PRKN: variants seen among roughly 807,000 people sequenced by gnomAD.
PRKN encodes parkin RBR E3 ubiquitin protein ligase.
Under a neutral mutation model 59.5 loss-of-function variants are expected in PRKN, and 56 were observed. The observed-to-expected ratio is 0.94, with a 90% CI of 0.76 to 1.18. The LOEUF (loss-of-function observed/expected upper bound fraction) is 1.18, where lower values mean the gene tolerates loss of function less well. PRKN is among the 50% of genes most tolerant of loss of function. The pLI, the probability that PRKN is intolerant of heterozygous loss-of-function variation, is 0.00. For missense variants in PRKN, 657 were observed against 596.4 expected (o/e 1.10, Z -1.06); for synonymous variants, 250 against 222.1 (o/e 1.13, Z -1.12).
At chr6:162,644,283 C>G (rs901508800) in intron 1 of PRKN, among the ~76,000 whole-genome samples, 6 of 152,172 alleles carry the variant, frequency 3.9e-5, no homozygotes, top group Non-Finnish European at 7.3e-5. Context: ...GAGTGCACCC[C>G]CCATGGAAGG....
intron 3 of PRKN, among the ~76,000 whole-genome samples, chr6:162,218,373 T>G (rs1322102857): frequency 6.6e-6 from 1 of 151,982 alleles, no homozygotes; most frequent in African/African-American, 2.4e-5. Context: ...TCACTAGGTG[T>G]GGGAAGCCCA....
rs772336975 is a variant in PRKN at position 162,555,981 on chromosome 6, C to CAAAAAAAAAAAAAAAA, written c.8-112524_8-112509dup. On this transcript the variant is annotated intron_variant, in intron 1 of 11. Coordinates refer to ENST00000366898, the MANE Select transcript of PRKN (RefSeq NM_004562.3). ...GGGCAACAAGAGCGAAACTCCATCT[C>CAAAAAAAAAAAAAAAA]AAAAAAAAAAAAAAAAAAGTGAGAA... 8.9e-5 allele frequency among the ~76,000 whole-genome samples: 8 copies of CAAAAAAAAAAAAAAAA among 90,360 alleles called. 1 individual carries two copies. The highest frequency in any genetic ancestry group is 1.4e-4 in the Admixed American group (1 of 7,038). The allele number at this position is 90,360 out of a possible 152,430, so 59.3% of individuals were successfully genotyped here.
chr6:162,083,733 T>C (rs1372605863), intron 4 of PRKN, among the ~76,000 whole-genome samples: 1 of 152,088 alleles, frequency 6.6e-6, no homozygotes, highest in African/African-American at 2.4e-5. Context: ...AGTTAATAAC[T>C]TGATGCCAGA....
intron 4 of PRKN, among the ~76,000 whole-genome samples, chr6:162,107,723 C>G (rs1194922849): frequency 6.6e-6 from 1 of 152,148 alleles, no homozygotes; most frequent in East Asian, 1.9e-4. Flanking sequence ...AACTAGGCAT[C>G]AGGCATAGTT....
At chr6:161,750,564 T>C (rs1418412379) in intron 7 of PRKN, among the ~76,000 whole-genome samples, 2 of 151,730 alleles carry the variant, frequency 1.3e-5, no homozygotes, top group Non-Finnish European at 2.9e-5. Context: ...GATCAGGAGG[T>C]TGAGACCGGC....
In PRKN at chr6:161,377,143, C is replaced by T. The variant is rs920404952; in HGVS notation, c.1167+9651G>A. ...GGGGCTACCTGCGGGCCAATAAGAG[C>T]ATCCCAGCAAAGATTTTGGGGGTTC... is the stretch of plus-strand genomic sequence containing the variant. On this transcript the variant is annotated intron_variant, in intron 10 of 11. Coordinates refer to ENST00000366898, the MANE Select transcript of PRKN (RefSeq NM_004562.3). This position sits in a 1 kb window ranked among gnomAD's most constrained non-coding sequence, Gnocchi z 4.2. 1.3e-5 allele frequency among the ~76,000 whole-genome samples: 2 copies of T among 152,256 alleles called. No individual in the cohort carries two copies. The highest frequency in any genetic ancestry group is 6.5e-5 in the Admixed American group (1 of 15,290).
intron 2 of PRKN, 114 bp downstream of exon 2, chr6:162,443,196 C>A (rs1174072598): frequency 2.8e-6 from 3 of 1,087,444 alleles, no homozygotes; most frequent in Non-Finnish European, 4.1e-6. Flanking sequence ...TCAAGGAATC[C>A]CCAGGCACTA....
chr6:161,573,755 A>AATATATATATATATATATATAT (rs1225362601), intron 7 of PRKN, among the ~76,000 whole-genome samples: 1 of 30,362 alleles, frequency 3.3e-5, no homozygotes, highest in Non-Finnish European at 5.4e-5. Context: ...AAAAAAAAAA[A>AATATATATATATATATATATAT]ATATATATAT....
At chr6:162,359,079 A>AAAAAAAAAAAAAATATATATATATATAT (rs57265104) in intron 2 of PRKN, among the ~76,000 whole-genome samples, 2 of 83,270 alleles carry the variant, frequency 2.4e-5, no homozygotes, top group African/African-American at 1.5e-4. Flanking sequence ...AAAAAAAAAA[A>AAAAAAAAAAAAAATATATATATATATAT]ATATATATAT....
At chr6:162,140,154 T>C (rs1033295860) in intron 4 of PRKN, among the ~76,000 whole-genome samples, 3 of 152,196 alleles carry the variant, frequency 2.0e-5, no homozygotes, top group Admixed American at 6.5e-5. Flanking sequence ...GAACATTCAA[T>C]TGGGGATTGC....
chr6:161,415,107 G>C (rs565023855), intron 9 of PRKN, among the ~76,000 whole-genome samples: 4 of 152,244 alleles, frequency 2.6e-5, no homozygotes, highest in African/African-American at 9.6e-5. Flanking sequence ...AAGAGACTTG[G>C]GGAGAACATG....
intron 4 of PRKN, among the ~76,000 whole-genome samples, chr6:162,174,339 G>T (rs1166763781): frequency 1.3e-5 from 2 of 152,020 alleles, no homozygotes; most frequent in Non-Finnish European, 2.9e-5. Flanking sequence ...TTGCCCACAC[G>T]CTAAATAAAA....
Position 161,446,146 on chromosome 6 carries a change from A to T in PRKN, c.1084-59269T>A, listed in dbSNP as rs1047415740. 3.1e-4 allele frequency among the ~76,000 whole-genome samples: 47 copies of T among 151,988 alleles called. No homozygotes were observed. Among genetic ancestry groups the T allele is most frequent in the Non-Finnish European group, 4.9e-4 (33 of 67,996 alleles). The stretch of plus-strand genomic sequence containing the variant: ...GTGGGAGGATCATCTGAGCCTGGGG[A>T]GGTCGAGGCCACAGTAAGCTAGGAT... On this transcript the variant is annotated intron_variant, in intron 9 of 11. Coordinates refer to ENST00000366898, the MANE Select transcript of PRKN (RefSeq NM_004562.3). This position sits in a 1 kb window ranked among gnomAD's most constrained non-coding sequence, Gnocchi z 6.2.
rs1779847450 is a variant in PRKN, at chr6:161,547,768, C to G, written c.1083+1086G>C. Among the ~76,000 whole-genome samples the G allele has an allele frequency of 6.6e-6, 1 of 152,176 alleles. No individual in the cohort carries two copies. The highest frequency in any genetic ancestry group is 6.5e-5 in the Admixed American group (1 of 15,280). On this transcript the variant is annotated intron_variant, in intron 9 of 11. Coordinates refer to ENST00000366898, the MANE Select transcript of PRKN (RefSeq NM_004562.3). This position sits in a 1 kb window ranked among gnomAD's most constrained non-coding sequence, Gnocchi z 4.0. The stretch of plus-strand genomic sequence containing the variant: ...GAGTGTGTCCTGATTTCCATCGTCT[C>G]CAGGGAGAGTAAACACTTGAGTTTT...
At chr6:162,298,164 CG>C (rs1243895415) in intron 2 of PRKN, among the ~76,000 whole-genome samples, 1 of 149,858 alleles carries the variant, frequency 6.7e-6, no homozygotes, top group Non-Finnish European at 1.5e-5. Flanking sequence ...TGGGTACAGA[CG>C]GAGGGGAGAG....
chr6:162,409,289 T>C (rs1290712504), intron 2 of PRKN, among the ~76,000 whole-genome samples: 2 of 151,976 alleles, frequency 1.3e-5, no homozygotes, highest in East Asian at 3.9e-4. Context: ...CTCAACCTCC[T>C]GAGTAGTTGG....
intron 2 of PRKN, among the ~76,000 whole-genome samples, chr6:162,315,309 G>A (rs1782706378): frequency 6.6e-6 from 1 of 152,144 alleles, no homozygotes; most frequent in South Asian, 2.1e-4. Flanking sequence ...AATTTGGCAA[G>A]GAAACACCTA....
At chr6:161,801,428 T>C (rs1791072840) in intron 6 of PRKN, among the ~76,000 whole-genome samples, 1 of 152,206 alleles carries the variant, frequency 6.6e-6, no homozygotes, top group Non-Finnish European at 1.5e-5. Context: ...CATGGAGAGA[T>C]GGCAATCACA....
intron 1 of PRKN, among the ~76,000 whole-genome samples, chr6:162,723,015 A>C (rs780343208): frequency 6.6e-6 from 1 of 152,226 alleles, no homozygotes; most frequent in Non-Finnish European, 1.5e-5. Flanking sequence ...ACTTATCAAA[A>C]TGGCAGGGCA....
Sources: gnomAD v4.1 joint callset for allele counts (sites outside exome capture counted in the v4.1 genomes callset) on GRCh38, gnomAD v4.1.1 for gene constraint, Gnocchi (gnomAD v3.1) non-coding constraint, MANE v1.5 for transcripts, NCBI Gene and HGNC (gene_info 2026-07-23, HGNC 2026-07-21) for gene names.